ZBTB11: variants seen among roughly 807,000 people sequenced by gnomAD.
ZBTB11 encodes zinc finger and BTB domain-containing protein 11.
Under a neutral mutation model 113.1 loss-of-function variants are expected in ZBTB11, and 68 were observed. That is an observed-to-expected ratio of 0.60 (90% confidence interval 0.49 to 0.74). ZBTB11 has a LOEUF of 0.74. Ranked by LOEUF, ZBTB11 falls within the 30% of genes least tolerant of loss-of-function variation. ZBTB11 has a pLI of 0.00. For synonymous variants in ZBTB11, 518 were observed against 452.6 expected, an observed-to-expected ratio of 1.14 and a Z score of -1.83; for missense variants, 1,104 against 1,279.4, an observed-to-expected ratio of 0.86 and a Z score of 2.09.
At position 101,671,121 on chromosome 3, in the gene ZBTB11, A is replaced by C. The variant is rs1937079160; in HGVS notation, c.778+9T>G. 6.2e-7 allele frequency: 1 copy of C among 1,609,250 alleles called. No individual in the cohort carries two copies. The highest frequency in any genetic ancestry group is 2.2e-5 in the East Asian group (1 of 44,828). On this transcript the variant is annotated intron_variant, in intron 3 of 10. Transcript: ENST00000312938. ...CAAACAAAAAGCAAGAGTAATACAA[A>C]ACCCTTACCAGAAAGATCCACCACA...
intron 7 of ZBTB11, 56 bp from the exon 8 acceptor site, chr3:101,654,877 A>G: frequency 6.7e-7 from 1 of 1,482,156 alleles, no homozygotes; most frequent in Non-Finnish European, 9.3e-7. Context: ...CTCTTTTAAC[A>G]GAATTTTTTT....
At chr3:101,672,307 TA>T (rs1937097320) in intron 1 of ZBTB11, 94 bp from the exon 2 acceptor site, 1 of 799,302 alleles carries the variant, frequency 1.3e-6, no homozygotes, top group East Asian at 2.6e-5. Flanking sequence ...TTTCAGTACA[TA>T]TGTGCAGACA....
chr3:101,662,942 CTTT>C (rs1180624432), intron 5 of ZBTB11, among the ~76,000 whole-genome samples: 3 of 139,384 alleles, frequency 2.2e-5, no homozygotes, highest in Non-Finnish European at 3.1e-5. Context: ...TTTTGTATTT[CTTT>C]TTTTTTTTTT....
At chr3:101,671,425 T>C in intron 2 of ZBTB11, 64 bp from the exon 3 acceptor site, 1 of 1,219,040 alleles carries the variant, frequency 8.2e-7, no homozygotes, top group Non-Finnish European at 1.2e-6. Flanking sequence ...TTAACAAGCT[T>C]TAAAACAAGA....
At chr3:101,675,597 G>A (rs1169087340) in intron 1 of ZBTB11, among the ~76,000 whole-genome samples, 1 of 152,192 alleles carries the variant, frequency 6.6e-6, no homozygotes, top group Non-Finnish European at 1.5e-5. Flanking sequence ...ATTAACTGTG[G>A]AGAGTGAAGA....
chr3:101,674,022 T>C (rs986638699), intron 1 of ZBTB11, among the ~76,000 whole-genome samples: 3 of 145,474 alleles, frequency 2.1e-5, no homozygotes. Context: ...AATTTATGGA[T>C]TCACAGAGAC....
At chr3:101,668,096 G>A (rs1220002649) in intron 3 of ZBTB11, among the ~76,000 whole-genome samples, 1 of 151,350 alleles carries the variant, frequency 6.6e-6, no homozygotes, top group East Asian at 1.9e-4. Flanking sequence ...AGTAAGTCAA[G>A]GACAGAAAGA....
intron 3 of ZBTB11, 22 bp downstream of exon 3, chr3:101,671,108 A>T: frequency 6.3e-7 from 1 of 1,589,814 alleles, no homozygotes; most frequent in Non-Finnish European, 8.6e-7. Context: ...AACAAAAAGC[A>T]AGAGTAATAC....
At chr3:101,674,234 T>A (rs1937126446) in intron 1 of ZBTB11, among the ~76,000 whole-genome samples, 2 of 151,964 alleles carry the variant, frequency 1.3e-5, no homozygotes, top group Admixed American at 1.3e-4. Flanking sequence ...CAGAATCACG[T>A]GAGCCTGGGA....
Position 101,652,493 on chromosome 3 carries a change from T to TACC in ZBTB11, c.2644_2644+2dup, listed in dbSNP as rs766898484. Reference sequence around the variant, plus strand: ...GGATACATATAATATAAAGTATAGTTACCTTCATGGTTGTTCATGTGTCTC... The same window carrying TACC: ...GGATACATATAATATAAAGTATAGTTACCACCTTCATGGTTGTTCATGTGTCTC... On this transcript the variant is annotated splice_region_variant and intron_variant, in intron 10 of 10. Coordinates refer to ENST00000312938, the MANE Select transcript of ZBTB11 (RefSeq NM_014415.4). The TACC allele has an allele frequency of 2.2e-5, 35 of 1,613,178 alleles. No homozygotes were observed. The highest frequency in any genetic ancestry group is 6.7e-5 in the Admixed American group (4 of 59,744).
Position 101,651,682 on chromosome 3 carries a change from T to G in ZBTB11, c.2646A>C (p.Gly882=), listed in dbSNP as rs768019586. ...EYRRHMNNHE[G]VKPFECLTCG... ...ATGTTAAGCACTCAAATGGCTTAAC[T>G]CCTAAAAAAAAAAAAAAAAAAGCAT... The change falls in exon 11 of 11, where the codon GGA becomes GGC. Residue 882 remains glycine, a splice_region_variant and synonymous_variant. Coordinates refer to ENST00000312938, the MANE Select transcript of ZBTB11 (RefSeq NM_014415.4). The G allele has an allele frequency of 7.2e-7, 1 of 1,394,910 alleles. No individual in the cohort carries two copies. The highest frequency in any genetic ancestry group is 9.3e-7 in the Non-Finnish European group (1 of 1,078,828). The allele number at this position is 1,394,910 out of a possible 1,614,324, so 86.4% of individuals were successfully genotyped here.
At chr3:101,667,961 A>G (rs1937023057) in intron 3 of ZBTB11, among the ~76,000 whole-genome samples, 1 of 152,164 alleles carries the variant, frequency 6.6e-6, no homozygotes, top group Non-Finnish European at 1.5e-5. Flanking sequence ...ATCAACCTAC[A>G]TGTTCATCAA....
Position 101,650,502 on chromosome 3 carries a change from G to C in ZBTB11, c.*664C>G, listed in dbSNP as rs1476783531. On this transcript the variant is annotated 3_prime_UTR_variant, in exon 11 of 11. Coordinates refer to ENST00000312938, the MANE Select transcript of ZBTB11 (RefSeq NM_014415.4). The stretch of plus-strand genomic sequence containing the variant: ...CATTTTAATGGCATTTTAAAAATTA[G>C]CTATTCATTTATGGGTTCCTCATAT... 2 of 152,518 alleles carry C rather than the reference G, an allele frequency of 1.3e-5. No homozygotes were observed. Among genetic ancestry groups the C allele is most frequent in the East Asian group, 3.9e-4 (2 of 5,192 alleles). 9.4% of individuals were successfully genotyped at this position (152,518 alleles called of 1,614,324 possible).
intron 1 of ZBTB11, among the ~76,000 whole-genome samples, chr3:101,675,726 C>T (rs1380878922): frequency 6.6e-6 from 1 of 152,176 alleles, no homozygotes; most frequent in African/African-American, 2.4e-5. Context: ...ACCTTTTCTG[C>T]GTATATACAA....
intron 3 of ZBTB11, 111 bp downstream of exon 3, chr3:101,671,019 T>C (rs1030866659): frequency 7.5e-5 from 62 of 824,358 alleles, no homozygotes; most frequent in East Asian, 2.6e-5. Context: ...TCTACTGTTG[T>C]TAGTGGGCTT....
intron 7 of ZBTB11, among the ~76,000 whole-genome samples, chr3:101,655,328 G>T (rs1361472861): frequency 6.6e-6 from 1 of 152,228 alleles, no homozygotes; most frequent in African/African-American, 2.4e-5. Context: ...CAGAGGGTAT[G>T]ACCCTAGTCA....
intron 6 of ZBTB11, among the ~76,000 whole-genome samples, chr3:101,657,684 T>C (rs371542578): frequency 6.6e-6 from 1 of 151,362 alleles, no homozygotes; most frequent in African/African-American, 2.4e-5. Context: ...AAAAGAGAAA[T>C]ATAAAAAACC....
chr3:101,674,033 T>TA (rs1559989248), intron 1 of ZBTB11, among the ~76,000 whole-genome samples: 10 of 105,386 alleles, frequency 9.5e-5, no homozygotes, highest in African/African-American at 3.7e-4. Flanking sequence ...TCACAGAGAC[T>TA]GTTTTTTTTT....
intron 2 of ZBTB11, 115 bp downstream of exon 2, chr3:101,671,843 TATATAACACAGTACACTGCC>T (rs1204146156): frequency 2.9e-6 from 2 of 686,706 alleles, no homozygotes; most frequent in Non-Finnish European, 5.2e-6. Context: ...CAGTTCAGCT[TATATAACACAGTACACTGCC>T]ATTTTGTCTT....
Sources: allele counts gnomAD v4.1 joint callset (sites outside exome capture counted in the v4.1 genomes callset), GRCh38; gene constraint gnomAD v4.1.1; transcripts MANE v1.5; gene names NCBI Gene and HGNC (gene_info 2026-07-23, HGNC 2026-07-21).